Variants in CDYL observed in about 807,000 individuals in gnomAD.
CDYL encodes chromodomain Y like.
A neutral mutation model predicts 47.3 loss-of-function variants in CDYL; 8 were observed. That is an observed-to-expected ratio of 0.17 (90% CI 0.10 to 0.31). CDYL has a LOEUF of 0.31. Among genes scored for constraint, CDYL ranks in the 10% least tolerant of loss-of-function variants. The pLI, the probability that CDYL is intolerant of heterozygous loss-of-function variation, is 1.00. For missense variants in CDYL, 471 were observed against 701.4 expected (o/e 0.67, Z 3.71); for synonymous variants, 266 against 265.0 (o/e 1.00, Z -0.04).
rs1762071012 is a variant in CDYL, at chr6:4,892,276, G to T, written c.588G>T (p.Glu196Asp). 1 of 1,614,068 alleles carries T rather than the reference G, an allele frequency of 6.2e-7. No homozygotes were observed. ...PVGALLGPGA[E>D]RARMGSRPRI... Reference sequence around the variant, plus strand: ...GAGCTTTATTGGGCCCCGGTGCCGAGAGGGCCAGGATGGGGAGCAGGCCCA... The same window carrying T: ...GAGCTTTATTGGGCCCCGGTGCCGATAGGGCCAGGATGGGGAGCAGGCCCA... The change falls in exon 2 of 7, where the codon GAG (glutamate) becomes GAT (aspartate). Residue 196 changes from glutamate (E) to aspartate (D), a missense_variant. Coordinates refer to ENST00000397588, the MANE Select transcript of CDYL (RefSeq NM_004824.4).
chr6:4,854,127 C>A (rs1760934615), intron 1 of CDYL, among the ~76,000 whole-genome samples: 1 of 151,988 alleles, frequency 6.6e-6, no homozygotes, highest in Admixed American at 6.5e-5. Flanking sequence ...CAAAGCTGGG[C>A]CTGACTCATC....
chr6:4,739,353 A>C (rs995829749), intron 3 of CDYL, among the ~76,000 whole-genome samples: 1 of 151,582 alleles, frequency 6.6e-6, no homozygotes, highest in Non-Finnish European at 1.5e-5. Flanking sequence ...CCCTGTTTCT[A>C]CTAAAAATGC....
intron 3 of CDYL, among the ~76,000 whole-genome samples, chr6:4,758,753 C>G (rs1210938906): frequency 6.6e-6 from 1 of 152,016 alleles, no homozygotes; most frequent in African/African-American, 2.4e-5. Context: ...ACAATTGACA[C>G]TTTAACATAG....
chr6:4,904,064 G>A (rs1757151892), intron 2 of CDYL, among the ~76,000 whole-genome samples: 4 of 152,220 alleles, frequency 2.6e-5, no homozygotes, highest in Non-Finnish European at 1.5e-5. Context: ...TGTTTGAAAA[G>A]CATTGTGGTT....
At chr6:4,922,525 G>C (rs1757746383) in intron 2 of CDYL, among the ~76,000 whole-genome samples, 1 of 152,198 alleles carries the variant, frequency 6.6e-6, no homozygotes, top group Admixed American at 6.5e-5. Flanking sequence ...CACTGTGAAT[G>C]GGTGAGCGTG....
intron 3 of CDYL, among the ~76,000 whole-genome samples, chr6:4,747,671 T>A (rs1396236984): frequency 6.6e-6 from 1 of 152,198 alleles, no homozygotes; most frequent in Non-Finnish European, 1.5e-5. Context: ...ATTGTGGCTG[T>A]TTTAGCACAG....
intron 1 of CDYL, among the ~76,000 whole-genome samples, chr6:4,889,476 G>A (rs921150963): frequency 6.6e-6 from 1 of 152,052 alleles, no homozygotes; most frequent in Non-Finnish European, 1.5e-5. Flanking sequence ...GCCCGCCTTG[G>A]CCTCCCAAAG....
intron 1 of CDYL, among the ~76,000 whole-genome samples, chr6:4,882,815 A>G (rs1262926781): frequency 1.3e-5 from 2 of 152,224 alleles, no homozygotes; most frequent in African/African-American, 2.4e-5. Flanking sequence ...AAGATCATCA[A>G]CTAGTATTCC....
At position 4,952,533 on chromosome 6, in the gene CDYL, G is replaced by A. The variant is rs146987824; in HGVS notation, c.1476+124G>A. On this transcript the variant is annotated intron_variant, in intron 6 of 6. Transcript: ENST00000397588. ...TTTGTCCTCAACAGAGCACCTTCCC[G>A]TGAAGTCCTGCCAGAACCTATTGCC... 85 of 1,060,428 alleles carry A rather than the reference G, an allele frequency of 8.0e-5. 1 individual carries two copies. Among genetic ancestry groups the A allele is most frequent in the Admixed American group, 6.2e-5 (2 of 32,452 alleles). The allele number at this position is 1,060,428 out of a possible 1,614,324, so 65.7% of individuals were successfully genotyped here.
At chr6:4,790,611 T>C (rs886482327) in intron 1 of CDYL, among the ~76,000 whole-genome samples, 1 of 152,216 alleles carries the variant, frequency 6.6e-6, no homozygotes, top group Non-Finnish European at 1.5e-5. Flanking sequence ...CATTTTGTAA[T>C]GTAGCTTATG....
chr6:4,797,417 C>G (rs1759103643), intron 1 of CDYL, among the ~76,000 whole-genome samples: 1 of 149,380 alleles, frequency 6.7e-6, no homozygotes, highest in Admixed American at 6.6e-5. Context: ...TTTTTCTTTT[C>G]TTTTCATTTC....
Position 4,955,228 on chromosome 6 carries a change from C to T in CDYL, c.*1172C>T, listed in dbSNP as rs1302363403. On this transcript the variant is annotated 3_prime_UTR_variant, in exon 7 of 7. Coordinates refer to ENST00000397588, the MANE Select transcript of CDYL (RefSeq NM_004824.4). ...CAGGAGTGGGTACTGATTCCAGACT[C>T]CAGATGCCTATTATTAGTTAGGCTT... 2 of 152,562 alleles carry T rather than the reference C, an allele frequency of 1.3e-5. No individual in the cohort carries two copies. The highest frequency in any genetic ancestry group is 2.9e-5 in the Non-Finnish European group (2 of 68,038). 9.5% of individuals were successfully genotyped at this position (152,562 alleles called of 1,614,324 possible). A position where few individuals can be genotyped will look rare whatever the true frequency, so the allele number is the denominator to read the frequency against.
intron 2 of CDYL, among the ~76,000 whole-genome samples, chr6:4,924,435 G>T (rs925110390): frequency 6.6e-6 from 1 of 152,146 alleles, no homozygotes; most frequent in Non-Finnish European, 1.5e-5. Context: ...TTATTTAGCA[G>T]TTTCCAGGAA....
chr6:4,806,619 A>G (rs144458951), intron 1 of CDYL, among the ~76,000 whole-genome samples: 13 of 152,064 alleles, frequency 8.5e-5, no homozygotes, highest in Non-Finnish European at 1.9e-4. Context: ...ACGTTTTCCC[A>G]TGAATGCCTT....
intron 2 of CDYL, among the ~76,000 whole-genome samples, chr6:4,722,043 C>T (rs544256337): frequency 9.0e-4 from 137 of 152,096 alleles, no homozygotes; most frequent in African/African-American, 3.0e-3. Flanking sequence ...TTAGTAGAGA[C>T]GGGATTTCAT....
chr6:4,926,689 A>G (rs1757883224), intron 2 of CDYL, among the ~76,000 whole-genome samples: 2 of 152,274 alleles, frequency 1.3e-5, no homozygotes, highest in Admixed American at 1.3e-4. Context: ...CAAGAGGATA[A>G]GAATTATTCT....
At chr6:4,837,872 C>G (rs1346410290) in intron 1 of CDYL, among the ~76,000 whole-genome samples, 1 of 152,032 alleles carries the variant, frequency 6.6e-6, no homozygotes, top group Non-Finnish European at 1.5e-5. Flanking sequence ...CTCCCAGGCT[C>G]AAGTGATCCC....
intron 2 of CDYL, among the ~76,000 whole-genome samples, chr6:4,905,948 T>C (rs1757222327): frequency 6.6e-6 from 1 of 152,250 alleles, no homozygotes; most frequent in African/African-American, 2.4e-5. Flanking sequence ...ACCTTTCTAC[T>C]GTCAACAGTA....
chr6:4,948,001 G>T (rs553215387), intron 5 of CDYL, among the ~76,000 whole-genome samples: 3 of 152,116 alleles, frequency 2.0e-5, no homozygotes, highest in Non-Finnish European at 2.9e-5. Context: ...CCTTTACACC[G>T]TACTGCACGC....
Sources: gnomAD v4.1 joint callset for allele counts (sites outside exome capture counted in the v4.1 genomes callset) on GRCh38, gnomAD v4.1.1 for gene constraint, MANE v1.5 for transcripts, NCBI Gene and HGNC (gene_info 2026-07-23, HGNC 2026-07-21) for gene names.